KCNH8: variants seen among roughly 807,000 people sequenced by gnomAD.
KCNH8 encodes potassium voltage-gated channel subfamily H member 8.
Under a neutral mutation model 103.6 loss-of-function variants are expected in KCNH8, and 70 were observed. The observed-to-expected ratio is 0.68, with a 90% confidence interval of 0.56 to 0.82. The LOEUF is 0.82. Ranked by LOEUF, KCNH8 falls within the 40% of genes least tolerant of loss-of-function variation. The probability of loss-of-function intolerance (pLI) is 0.00; values close to 1 mark genes in which losing one functional copy is unlikely to be tolerated. For synonymous variants in KCNH8, 498 were observed against 489.4 expected, an observed-to-expected ratio of 1.02 and a Z score of -0.23; for missense variants, 1,217 against 1,329.9, an observed-to-expected ratio of 0.92 and a Z score of 1.32.
intron 3 of KCNH8, among the ~76,000 whole-genome samples, chr3:19,327,478 C>T (rs963916233): frequency 2.0e-5 from 3 of 152,060 alleles, no homozygotes; most frequent in Non-Finnish European, 4.4e-5. Context: ...TTAGTAGAGA[C>T]GGGGTTTCAC....
chr3:19,304,109 A>G (rs909206742), intron 3 of KCNH8, among the ~76,000 whole-genome samples: 4 of 152,314 alleles, frequency 2.6e-5, no homozygotes, highest in East Asian at 1.9e-4. Context: ...CTTGGCTCCT[A>G]TAATTCTAGC....
intron 7 of KCNH8, among the ~76,000 whole-genome samples, chr3:19,423,135 G>T (rs769789494): frequency 6.6e-6 from 1 of 151,986 alleles, no homozygotes; most frequent in Non-Finnish European, 1.5e-5. Flanking sequence ...AGACTGAAAA[G>T]CTTCTCTCAT....
intron 15 of KCNH8, among the ~76,000 whole-genome samples, chr3:19,529,704 T>TAC (rs1207136222): frequency 1.3e-5 from 2 of 152,196 alleles, no homozygotes; most frequent in African/African-American, 4.8e-5. Context: ...CCACAGTCTC[T>TAC]ACTTCTAGGA....
chr3:19,350,727 C>T (rs1008469996), intron 5 of KCNH8, among the ~76,000 whole-genome samples: 6 of 152,058 alleles, frequency 3.9e-5, no homozygotes, highest in African/African-American at 9.7e-5. Flanking sequence ...CCCATCTGTA[C>T]GTCACCATCA....
rs141766714 is a variant in KCNH8, at chr3:19,173,250, G to A, written c.76+24455G>A. Among the ~76,000 whole-genome samples the A allele has an allele frequency of 7.4e-3, 1,120 of 152,302 alleles. 17 individuals carry two copies. Among genetic ancestry groups the A allele is most frequent in the African/African-American group, 0.025 (1,020 of 41,548 alleles). ...AATCAGGGCTTAGGTCTGTGAGACA[G>A]TGACTTGAAGAAGTGATTTCTCCCT... On this transcript the variant is annotated intron_variant, in intron 1 of 15. Transcript: ENST00000328405.
At chr3:19,304,531 C>G (rs1016617047) in intron 3 of KCNH8, among the ~76,000 whole-genome samples, 1 of 151,648 alleles carries the variant, frequency 6.6e-6, no homozygotes, top group Non-Finnish European at 1.5e-5. Flanking sequence ...AAGAAGCACA[C>G]GAACTATAAA....
At chr3:19,527,741 GT>G (rs2069090215) in intron 15 of KCNH8, among the ~76,000 whole-genome samples, 1 of 152,128 alleles carries the variant, frequency 6.6e-6, no homozygotes, top group Non-Finnish European at 1.5e-5. Flanking sequence ...CAGTTGGCAA[GT>G]CAGTTGTCAC....
intron 7 of KCNH8, among the ~76,000 whole-genome samples, chr3:19,416,775 C>T (rs1014356395): frequency 6.6e-6 from 1 of 152,096 alleles, no homozygotes; most frequent in Admixed American, 6.5e-5. Flanking sequence ...AATTCCTGTG[C>T]CTCATAGATA....
At chr3:19,163,145 A>G (rs769070617) in intron 1 of KCNH8, among the ~76,000 whole-genome samples, 8 of 151,910 alleles carry the variant, frequency 5.3e-5, no homozygotes, top group Non-Finnish European at 8.8e-5. Context: ...AAGCAAAAAC[A>G]TAGTCTTCAG....
chr3:19,433,334 A>G (rs1170201867), intron 7 of KCNH8, among the ~76,000 whole-genome samples: 2 of 152,172 alleles, frequency 1.3e-5, no homozygotes, highest in South Asian at 2.1e-4. Context: ...TATCCCATCA[A>G]TATTTGCTGA....
chr3:19,431,132 G>A (rs1251681629), intron 7 of KCNH8, among the ~76,000 whole-genome samples: 1 of 152,012 alleles, frequency 6.6e-6, no homozygotes, highest in Non-Finnish European at 1.5e-5. Flanking sequence ...TTCACATATG[G>A]CTCTTATTAT....
At position 19,410,166 on chromosome 3, in the gene KCNH8, T is replaced by A. The variant is rs145881980; in HGVS notation, c.1177+14855T>A. ...CTTGAATAAGTCTCAATAAATTTTTTTAAAAAACTAAAAATCATACAAACT... is the reference window on the plus strand; with the variant it reads ...CTTGAATAAGTCTCAATAAATTTTTATAAAAAACTAAAAATCATACAAACT... On this transcript the variant is annotated intron_variant, in intron 7 of 15. Coordinates refer to ENST00000328405, the MANE Select transcript of KCNH8 (RefSeq NM_144633.3). 2.3e-4 allele frequency among the ~76,000 whole-genome samples: 35 copies of A among 152,182 alleles called. 1 individual carries two copies. In the East Asian group the frequency reaches 6.2e-3, roughly 27 times the overall value.
At chr3:19,330,894 C>T (rs1674765365) in intron 3 of KCNH8, among the ~76,000 whole-genome samples, 1 of 152,098 alleles carries the variant, frequency 6.6e-6, no homozygotes, top group Admixed American at 6.6e-5. Context: ...CCTTTCAAAG[C>T]TAAATTCCAT....
At chr3:19,386,471 T>C (rs973958643) in intron 5 of KCNH8, among the ~76,000 whole-genome samples, 5 of 152,162 alleles carry the variant, frequency 3.3e-5, no homozygotes, top group African/African-American at 1.2e-4. Context: ...ACCAATACCA[T>C]GTGCCATAAA....
intron 11 of KCNH8, among the ~76,000 whole-genome samples, chr3:19,487,375 C>T (rs1283135817): frequency 6.6e-6 from 1 of 152,164 alleles, no homozygotes; most frequent in Non-Finnish European, 1.5e-5. Context: ...AGCGCAAGTC[C>T]TGCACTGGCC....
At chr3:19,338,040 C>T (rs1039717684) in intron 3 of KCNH8, among the ~76,000 whole-genome samples, 12 of 151,562 alleles carry the variant, frequency 7.9e-5, no homozygotes, top group Admixed American at 1.3e-4. Context: ...TTATTCAAGT[C>T]GCTACAAATA....
chr3:19,168,184 G>T (rs549623788), intron 1 of KCNH8, among the ~76,000 whole-genome samples: 1 of 151,644 alleles, frequency 6.6e-6, no homozygotes, highest in African/African-American at 2.4e-5. Context: ...TAACTTTTTT[G>T]TTTGTTTGTT....
intron 5 of KCNH8, among the ~76,000 whole-genome samples, chr3:19,371,916 A>G (rs2066103058): frequency 3.3e-5 from 5 of 150,062 alleles, no homozygotes; most frequent in Admixed American, 3.3e-4. Flanking sequence ...AAGATCAGAT[A>G]GTTGTAGATA....
chr3:19,153,827 T>A (rs139991497), intron 1 of KCNH8, among the ~76,000 whole-genome samples: 2,118 of 151,526 alleles, frequency 0.014, 33 homozygotes, highest in Middle Eastern at 0.021. Context: ...AGAGACGGGG[T>A]TTCACCATCT....
Sources: allele counts gnomAD v4.1 joint callset (sites outside exome capture counted in the v4.1 genomes callset), GRCh38; gene constraint gnomAD v4.1.1; transcripts MANE v1.5; gene names NCBI Gene and HGNC (gene_info 2026-07-23, HGNC 2026-07-21).